The following ATP10B variants were observed in gnomAD, a reference collection of about 807,000 sequenced individuals.
ATP10B encodes the protein ATPase phospholipid transporting 10B (putative).
Under a neutral mutation model 141.2 loss-of-function variants are expected in ATP10B, and 122 were observed. The ratio of observed to expected loss-of-function variants is 0.86; its 90% confidence interval spans 0.75 to 1.00. The LOEUF is 1.00. Among genes scored for constraint, ATP10B ranks in the 50% least tolerant of loss-of-function variants. The pLI is 0.00. For synonymous variants in ATP10B, 685 were observed against 692.0 expected (o/e 0.99, Z 0.16); for missense variants, 1,876 against 1,825.3 (o/e 1.03, Z -0.51).
At chr5:160,916,982 G>A in the ATP10B span, among the ~76,000 whole-genome samples, 35 of 152,332 alleles carry the variant, frequency 2.3e-4, no homozygotes, top group African/African-American at 8.2e-4. Context: ...CTGTGTCTGA[G>A]TATACGTGCA....
chr5:160,832,533 G>A (rs950276710), intron 1 of ATP10B, among the ~76,000 whole-genome samples: 5 of 152,162 alleles, frequency 3.3e-5, no homozygotes, highest in African/African-American at 1.2e-4. Flanking sequence ...GAATGAATAA[G>A]GGTGTGTGAA....
At chr5:160,647,961 G>A (rs1297837880) in intron 8 of ATP10B, among the ~76,000 whole-genome samples, 1 of 152,106 alleles carries the variant, frequency 6.6e-6, no homozygotes, top group Non-Finnish European at 1.5e-5. Flanking sequence ...TGCATTTCAG[G>A]GAGCTGCAGG....
At chr5:160,777,555 C>G (rs550889604) in intron 2 of ATP10B, among the ~76,000 whole-genome samples, 12 of 152,278 alleles carry the variant, frequency 7.9e-5, no homozygotes, top group African/African-American at 2.9e-4. Context: ...AGCTAAGATA[C>G]CAATTATTGA....
chr5:160,801,125 G>T (rs115627298), intron 1 of ATP10B, among the ~76,000 whole-genome samples: 1 of 152,124 alleles, frequency 6.6e-6, no homozygotes, highest in African/African-American at 2.4e-5. Flanking sequence ...CACTAACGAT[G>T]TATTCATCCA....
At chr5:160,678,484 C>T (rs995836743) in intron 6 of ATP10B, among the ~76,000 whole-genome samples, 3 of 152,102 alleles carry the variant, frequency 2.0e-5, no homozygotes, top group African/African-American at 7.2e-5. Flanking sequence ...TATAGTGAAA[C>T]CCCGTCTCTA....
intron 1 of ATP10B, among the ~76,000 whole-genome samples, chr5:160,812,034 GAGAGA>G (rs1365833822): frequency 1.3e-5 from 2 of 150,220 alleles, no homozygotes; most frequent in African/African-American, 4.9e-5. Context: ...GAGAGAGAGA[GAGAGA>G]GAGAGAGAGA....
At chr5:160,836,717 G>A (rs1038470606) in intron 1 of ATP10B, among the ~76,000 whole-genome samples, 1 of 152,020 alleles carries the variant, frequency 6.6e-6, no homozygotes, top group African/African-American at 2.4e-5. Context: ...GGTCCCTCTG[G>A]TTCCTCTGAC....
At chr5:160,779,070 A>G (rs1770542592) in intron 2 of ATP10B, among the ~76,000 whole-genome samples, 2 of 152,206 alleles carry the variant, frequency 1.3e-5, no homozygotes, top group Admixed American at 1.3e-4. Context: ...GAAGCTGGTT[A>G]TGTGTTCCTG....
chr5:160,675,185 C>T (rs1424789978), intron 6 of ATP10B, among the ~76,000 whole-genome samples: 3 of 152,198 alleles, frequency 2.0e-5, no homozygotes, highest in African/African-American at 7.2e-5. Context: ...CGAACAGCTG[C>T]CCCAGGTGGA....
chr5:160,792,201 G>A (rs745472293), intron 1 of ATP10B, among the ~76,000 whole-genome samples: 29 of 152,186 alleles, frequency 1.9e-4, no homozygotes, highest in Non-Finnish European at 3.1e-4. Context: ...GTATGTGAGC[G>A]TATTTACTGC....
At chr5:160,678,979 T>A (rs943427376) in intron 6 of ATP10B, among the ~76,000 whole-genome samples, 1 of 152,236 alleles carries the variant, frequency 6.6e-6, no homozygotes, top group Non-Finnish European at 1.5e-5. Context: ...AGCCCTCTTA[T>A]ATGTCATCTG....
At chr5:160,822,766 G>A (rs1010348502) in intron 1 of ATP10B, among the ~76,000 whole-genome samples, 2 of 151,514 alleles carry the variant, frequency 1.3e-5, no homozygotes, top group African/African-American at 4.9e-5. Context: ...GGCATAGAAA[G>A]ACAAACTTCA....
At chr5:160,569,750 T>C in intron 24 of ATP10B, 67 bp from the exon 25 acceptor site, 1 of 1,268,132 alleles carries the variant, frequency 7.9e-7, no homozygotes. Context: ...GTGATCAAAC[T>C]ACTTGATTAA....
intron 2 of ATP10B, among the ~76,000 whole-genome samples, chr5:160,777,219 C>T (rs559875473): frequency 2.0e-5 from 3 of 152,284 alleles, no homozygotes; most frequent in East Asian, 3.9e-4. Context: ...AAGTGGGCAC[C>T]CATGGCTTGT....
the ATP10B span, among the ~76,000 whole-genome samples, chr5:160,921,673 A>G: frequency 6.6e-6 from 1 of 152,252 alleles, no homozygotes; most frequent in Non-Finnish European, 1.5e-5. Context: ...AAACAAACCT[A>G]AGTTCCATTG....
chr5:160,772,922 G>A, intron 2 of ATP10B, among the ~76,000 whole-genome samples: 1 of 152,206 alleles, frequency 6.6e-6, no homozygotes, highest in East Asian at 1.9e-4. Flanking sequence ...AACAGTTGCT[G>A]ACACATGGAA....
chr5:160,904,926 C>G, the ATP10B span, among the ~76,000 whole-genome samples: 1 of 152,200 alleles, frequency 6.6e-6, no homozygotes, highest in Non-Finnish European at 1.5e-5. Flanking sequence ...TTGAAACAAA[C>G]TCTAGCTATT....
upstream of ATP10B, chr5:160,852,309 C>G (rs1390520192): frequency 1.3e-5 from 2 of 152,144 alleles, no homozygotes; most frequent in Non-Finnish European, 2.9e-5. Context: ...AGACATGGTT[C>G]TTGCATAAAT....
intron 2 of ATP10B, among the ~76,000 whole-genome samples, chr5:160,762,234 G>A (rs907014208): frequency 3.3e-5 from 5 of 152,248 alleles, no homozygotes; most frequent in South Asian, 2.1e-4. Flanking sequence ...GGAATTCATC[G>A]CAGAGATCAT....
Sources: gnomAD v4.1 joint callset for allele counts (sites outside exome capture counted in the v4.1 genomes callset) on GRCh38, gnomAD v4.1.1 for gene constraint, MANE v1.5 for transcripts, NCBI Gene and HGNC (gene_info 2026-07-23, HGNC 2026-07-21) for gene names.